The following TNC variants were observed in gnomAD, a reference collection of about 807,000 sequenced individuals.
TNC encodes tenascin.
In TNC, 109 loss-of-function variants were observed where a neutral mutation model predicts 202.4. That is an observed-to-expected ratio of 0.54 (90% CI 0.46 to 0.63). The LOEUF (loss-of-function observed/expected upper bound fraction) is 0.63. Ranked by LOEUF, TNC falls within the 30% of genes least tolerant of loss-of-function variation. TNC has a pLI of 0.00. For missense variants in TNC, 2,756 were observed against 2,833.3 expected, an observed-to-expected ratio of 0.97 and a Z score of 0.62; for synonymous variants, 1,007 against 1,089.7, an observed-to-expected ratio of 0.92 and a Z score of 1.50.
chr9:115,092,368 A>T (rs1835296638), intron 1 of TNC, among the ~76,000 whole-genome samples: 3 of 152,206 alleles, frequency 2.0e-5, no homozygotes, highest in Admixed American at 2.0e-4. Flanking sequence ...CTGTATGAGC[A>T]ATCAGGTAGC....
chr9:115,058,800 A>T (rs576160753), intron 14 of TNC, among the ~76,000 whole-genome samples: 1 of 152,352 alleles, frequency 6.6e-6, no homozygotes, highest in South Asian at 2.1e-4. Flanking sequence ...AAACCCATGG[A>T]GGCACATAAT....
In TNC at chr9:115,082,584, C is replaced by T. The variant is rs186326811; in HGVS notation, c.2247+108G>A. ...CAAATGATGCTAATGAGAGCCTTGTCCTCCACCAAAAACTAAGGAAAATTA... is the reference window on the plus strand; with the variant it reads ...CAAATGATGCTAATGAGAGCCTTGTTCTCCACCAAAAACTAAGGAAAATTA... On this transcript the variant is annotated intron_variant, in intron 5 of 27. Coordinates refer to ENST00000350763, the MANE Select transcript of TNC (RefSeq NM_002160.4). 62 of 715,370 alleles carry T rather than the reference C, an allele frequency of 8.7e-5. No individual in the cohort carries two copies. The East Asian group carries it at 1.6e-3, about 18-fold the overall frequency. 44.3% of individuals were successfully genotyped at this position (715,370 alleles called of 1,614,324 possible). A position where few individuals can be genotyped will look rare whatever the true frequency, so the allele number is the denominator to read the frequency against.
At chr9:115,098,739 G>A (rs945015433) in intron 1 of TNC, among the ~76,000 whole-genome samples, 1 of 152,146 alleles carries the variant, frequency 6.6e-6, no homozygotes, top group Non-Finnish European at 1.5e-5. Context: ...AACCCATGAG[G>A]CAGCTTACAC....
chr9:115,053,013 G>T (rs1831825151), intron 15 of TNC: 1 of 697,952 alleles, frequency 1.4e-6, no homozygotes, highest in Non-Finnish European at 2.6e-6. Flanking sequence ...TGTGGCTTTG[G>T]TTCTAAAGAA....
rs148465701 is a variant in TNC, at chr9:115,086,786, G to A, written c.945C>T (p.Cys315=). The A allele has an allele frequency of 4.0e-4, 640 of 1,613,930 alleles. 4 individuals carry two copies. The African/African-American group carries it at 7.9e-3, about 20-fold the overall frequency. The change falls in exon 3 of 28, where the codon TGC becomes TGT. Residue 315 remains cysteine, a synonymous_variant. Coordinates refer to ENST00000350763, the MANE Select transcript of TNC (RefSeq NM_002160.4). Reference sequence around the variant, plus strand: ...GGCCCCGGTCGAAGCAGTCATTGGGGCAGATGAGCTCACTGCAGTCTTCGC... The same window carrying A: ...GGCCCCGGTCGAAGCAGTCATTGGGACAGATGAGCTCACTGCAGTCTTCGC... ...FTGEDCSELI[C]PNDCFDRGRC...
In TNC at chr9:115,023,967, ACT is replaced by A; in HGVS notation, c.6495+4_6495+5del. ...GGCCTGCTCTGGGCCCTCACGGTCCACTCACCTGACTGTGGTTATTGTCCCCA... is the reference window on the plus strand; with the variant it reads ...GGCCTGCTCTGGGCCCTCACGGTCCACACCTGACTGTGGTTATTGTCCCCA... On this transcript the variant is annotated splice_donor_5th_base_variant and intron_variant, in intron 27 of 27. Transcript: ENST00000350763. 6.2e-7 allele frequency: 1 copy of A among 1,612,800 alleles called. No homozygotes were observed. The highest frequency in any genetic ancestry group is 8.5e-7 in the Non-Finnish European group (1 of 1,179,052).
Position 115,087,443 on chromosome 9 carries a change from C to G in TNC, c.458-170G>C, listed in dbSNP as rs10982519. On this transcript the variant is annotated intron_variant, in intron 2 of 27. Coordinates refer to ENST00000350763, the MANE Select transcript of TNC (RefSeq NM_002160.4). ...TGTGAAATCAGATGAGACTCACATC[C>G]TGTTATACCAGGTAGGAATTCATAA... Among the ~76,000 whole-genome samples, 13,396 of 151,808 alleles carry G rather than the reference C, an allele frequency of 0.088. 652 individuals are homozygous for G. The highest frequency in any genetic ancestry group is 0.16 in the Middle Eastern group (48 of 292).
chr9:115,063,553 T>C (rs1175161559), intron 12 of TNC, among the ~76,000 whole-genome samples: 1 of 152,180 alleles, frequency 6.6e-6, no homozygotes, highest in Non-Finnish European at 1.5e-5. Context: ...TGAAACTTAC[T>C]TTGAAAGAAA....
chr9:115,073,255 A>G (rs1449620591), intron 10 of TNC, among the ~76,000 whole-genome samples: 1 of 152,250 alleles, frequency 6.6e-6, no homozygotes, highest in Non-Finnish European at 1.5e-5. Flanking sequence ...ATTAGGCTAA[A>G]AGAAGGAAAT....
At chr9:115,035,090 TC>T in intron 22 of TNC, 113 bp downstream of exon 22, 1 of 1,297,708 alleles carries the variant, frequency 7.7e-7, no homozygotes, top group Non-Finnish European at 1.0e-6. Flanking sequence ...ATTTTTTTTT[TC>T]AGCTCCCCAG....
intron 19 of TNC, among the ~76,000 whole-genome samples, chr9:115,040,007 G>A (rs1830611540): frequency 6.6e-6 from 1 of 152,222 alleles, no homozygotes; most frequent in Non-Finnish European, 1.5e-5. Context: ...ATCCCTTAAT[G>A]AGTTGGACTG....
rs1419051843 is a variant in TNC, at chr9:115,038,347, T to A, written c.5426A>T (p.Asn1809Ile). Residue 1809 changes from asparagine (N) to isoleucine (I), a missense_variant, in exon 20 of 28, where the codon AAC (asparagine) becomes ATC (isoleucine). Asn to Ile is a moderately radical substitution (Grantham distance 149). Coordinates refer to ENST00000350763, the MANE Select transcript of TNC (RefSeq NM_002160.4). ...GGCCAAGGCTTCTGAGTCAGTGATG[T>A]TGGCTGTCACCAGGCCAGATGGGCC... The part of the protein sequence containing the change: ...LDGPSGLVTA[N>I]ITDSEALARW... The A allele has an allele frequency of 6.2e-7, 1 of 1,614,174 alleles. No individual in the cohort carries two copies. The highest frequency in any genetic ancestry group is 2.2e-5 in the East Asian group (1 of 44,874).
chr9:115,025,523 G>C (rs1472325369), intron 26 of TNC, among the ~76,000 whole-genome samples: 1 of 152,050 alleles, frequency 6.6e-6, no homozygotes, highest in Non-Finnish European at 1.5e-5. Context: ...AGTGGGCATG[G>C]GTTGCATGGG....
Position 115,073,794 on chromosome 9 carries a change from G to C in TNC, c.3023C>G (p.Pro1008Arg), listed in dbSNP as rs771661764. 4 of 1,614,042 alleles carry C rather than the reference G, an allele frequency of 2.5e-6. No individual in the cohort carries two copies. The highest frequency in any genetic ancestry group is 3.4e-6 in the Non-Finnish European group (4 of 1,180,012). Residue 1008 changes from proline to arginine, a missense_variant, in exon 10 of 28, where the codon CCG becomes CGG. This residue lies in a region of TNC where 2,559 missense variants were observed against 2,546.0 expected (regional missense o/e 1.01). Coordinates refer to ENST00000350763, the MANE Select transcript of TNC (RefSeq NM_002160.4). ...GCGGTAGCGGTCAAATTTGGCCAAC[G>C]GTGTCTTCCAGAGCAGGGTCAGGCT... Reference protein sequence around the residue: ...ETSLTLLWKTPLAKFDRYRLN... With the variant: ...ETSLTLLWKTRLAKFDRYRLN...
At position 115,021,198 on chromosome 9, in the gene TNC, T is replaced by C. The variant is rs1450847632; in HGVS notation, c.6565A>G (p.Ser2189Gly). The change falls in exon 28 of 28, where the codon AGC (serine) becomes GGC (glycine). Residue 2189 changes from serine to glycine, a missense_variant. Physicochemically the swap from Ser to Gly is moderately conservative, Grantham distance 56. This residue lies in a region of TNC where 197 missense variants were observed against 287.3 expected (regional missense o/e 0.69). Transcript: ENST00000350763. Reference sequence around the variant, plus strand: ...CTGCCTTCAAGATTTCTGAAGTTGCTTGGTCTCAGCTTCATCTCAGCAAAC... The same window carrying C: ...CTGCCTTCAAGATTTCTGAAGTTGCCTGGTCTCAGCTTCATCTCAGCAAAC... Reference protein sequence around the residue: ...IQFAEMKLRPSNFRNLEGRRK... With the variant: ...IQFAEMKLRPGNFRNLEGRRK... The C allele has an allele frequency of 6.2e-7, 1 of 1,613,888 alleles. No homozygotes were observed. The highest frequency in any genetic ancestry group is 1.1e-5 in the South Asian group (1 of 91,084).
intron 27 of TNC, among the ~76,000 whole-genome samples, chr9:115,022,085 T>C (rs983091009): frequency 1.3e-5 from 2 of 152,246 alleles, no homozygotes. Flanking sequence ...CTGCAGATGG[T>C]AGAGTCAATC....
chr9:115,086,204 G>A lies in TNC; in HGVS notation c.1527C>T (p.Gly509=), dbSNP rs151255144. The A allele has an allele frequency of 6.2e-7, 1 of 1,614,146 alleles. No homozygotes were observed. Residue 509 remains glycine, a synonymous_variant, in exon 3 of 28, where the codon GGC becomes GGT. Transcript: ENST00000350763. ...RQCPRDCSNR[G]LCVDGQCVCE... is the part of the protein sequence containing the mutation. ...AGACGCACTGTCCGTCCACACAGAG[G>A]CCCCTGTTGCTGCAGTCCCTGGGGC...
At chr9:115,029,925 A>G (rs1167387972) in intron 24 of TNC, among the ~76,000 whole-genome samples, 1 of 152,240 alleles carries the variant, frequency 6.6e-6, no homozygotes, top group Non-Finnish European at 1.5e-5. Context: ...CTGGTAGATA[A>G]TAAATGCTTA....
rs532861680 is a variant in TNC at position 115,069,834 on chromosome 9, CCCTT to C, written c.3214+3765_3214+3768del. ...TCCCTCCCTCCCTCCCTTCCTTCCT[CCCTT>C]CCTTCCTTCTTTCCTTCCTTCCTTC... On this transcript the variant is annotated intron_variant, in intron 10 of 27. Transcript: ENST00000350763. 3.9e-3 allele frequency among the ~76,000 whole-genome samples: 496 copies of C among 127,840 alleles called. 3 individuals carry two copies. Among genetic ancestry groups the C allele is most frequent in the Non-Finnish European group, 7.1e-3 (422 of 59,148 alleles). 83.9% of individuals were successfully genotyped at this position (127,840 alleles called of 152,430 possible).
Sources: allele counts gnomAD v4.1 joint callset (sites outside exome capture counted in the v4.1 genomes callset), GRCh38; gene constraint gnomAD v4.1.1; regional missense constraint gnomAD v4.1.1; transcripts MANE v1.5; gene names NCBI Gene and HGNC (gene_info 2026-07-23, HGNC 2026-07-21).